The following MDN1 variants were observed in gnomAD, a reference collection of about 807,000 sequenced individuals.
MDN1 encodes midasin AAA ATPase 1, also known as midasin.
In MDN1, 266 loss-of-function variants were observed where a neutral mutation model predicts 669.2. The observed-to-expected ratio is 0.40, with a 90% CI of 0.36 to 0.44. The LOEUF (loss-of-function observed/expected upper bound fraction) is 0.44. Among genes scored for constraint, MDN1 ranks in the 20% least tolerant of loss-of-function variants. The pLI is 1.00. For missense variants in MDN1, 5,940 were observed against 6,754.0 expected, an observed-to-expected ratio of 0.88 and a Z score of 4.22; for synonymous variants, 2,385 against 2,457.1, an observed-to-expected ratio of 0.97 and a Z score of 0.87.
intron 37 of MDN1, among the ~76,000 whole-genome samples, chr6:89,726,618 A>C (rs1206649393): frequency 1.3e-5 from 2 of 152,192 alleles, no homozygotes; most frequent in Non-Finnish European, 2.9e-5. Flanking sequence ...CAAAGTCAGG[A>C]TATAAAGTGA....
chr6:89,677,102 C>CT (rs759761793), intron 76 of MDN1, among the ~76,000 whole-genome samples: 24 of 144,028 alleles, frequency 1.7e-4, no homozygotes, highest in South Asian at 4.6e-4. Flanking sequence ...TGTTTTTTTT[C>CT]TTTTTTTTTG....
In MDN1 at chr6:89,662,177, T is replaced by G; in HGVS notation, c.14475A>C (p.Lys4825Asn). The G allele has an allele frequency of 6.2e-7, 1 of 1,614,106 alleles. No individual in the cohort carries two copies. Among genetic ancestry groups the G allele is most frequent in the Non-Finnish European group, 8.5e-7 (1 of 1,180,018 alleles). The change falls in exon 87 of 102, where the codon AAA (lysine) becomes AAC (asparagine). Residue 4825 changes from lysine to asparagine, a missense_variant. Physicochemically the swap from Lys to Asn is moderately conservative, Grantham distance 94. Around this residue, in one of 5 missense-constraint regions of MDN1, gnomAD observed 2,280 missense variants for 2,576.3 expected, o/e 0.88. Coordinates refer to ENST00000369393, the MANE Select transcript of MDN1 (RefSeq NM_014611.3). ...TTTCTTCCTTCTTATCTTGCTGGCT[T>G]TTATCTTTGTTTGAATTGCCACTAT... is the stretch of plus-strand genomic sequence containing the variant. ...NLDSGNSNKD[K>N]SQQDKKEEKE...
At position 89,700,210 on chromosome 6, in the gene MDN1, T is replaced by C. The variant is rs1411041749; in HGVS notation, c.8723A>G (p.Asp2908Gly). Reference protein sequence around the residue: ...LSLGFLEKKHDEASSLSHPDL... With the variant: ...LSLGFLEKKHGEASSLSHPDL... ...TGGATGGGACAGGGAGGAAGCTTCA[T>C]CATGCTTTTTCTCCAGAAAACCAAG... The change falls in exon 57 of 102, where the codon GAT (aspartate) becomes GGT (glycine). Residue 2908 changes from aspartate to glycine, a missense_variant. By Grantham distance (94) the Asp-to-Gly change is moderately conservative. This residue lies in a region of MDN1 where 2,292 missense variants were observed against 2,638.3 expected (regional missense o/e 0.87). Coordinates refer to ENST00000369393, the MANE Select transcript of MDN1 (RefSeq NM_014611.3). The C allele has an allele frequency of 1.2e-6, 2 of 1,614,214 alleles. 1 individual carries two copies. The highest frequency in any genetic ancestry group is 2.2e-5 in the South Asian group (2 of 91,072).
intron 71 of MDN1, 121 bp from the exon 72 acceptor site, chr6:89,684,025 A>G: frequency 2.7e-6 from 2 of 732,066 alleles, no homozygotes; most frequent in South Asian, 1.7e-5. Flanking sequence ...ACTGTGTGTC[A>G]GTGAACAAGT....
chr6:89,661,314 G>A (rs1809745860), intron 88 of MDN1, 117 bp downstream of exon 88: 3 of 1,167,196 alleles, frequency 2.6e-6, no homozygotes, highest in Admixed American at 2.3e-5. Flanking sequence ...CTGGGATTGA[G>A]CCTACCAAAC....
In MDN1 at chr6:89,772,714, ACTT is replaced by A. The variant is rs769523743; in HGVS notation, c.1939_1941del (p.Lys647del). On this transcript the variant is annotated inframe_deletion, in exon 14 of 102. Coordinates refer to ENST00000369393, the MANE Select transcript of MDN1 (RefSeq NM_014611.3). ...GACGGCCGTGTAGCAGCGAAAGTGAACTTCTCCCTGGGAAGGAGAAAAAAAGAG... is the reference window on the plus strand; with the variant it reads ...GACGGCCGTGTAGCAGCGAAAGTGAACTCCCTGGGAAGGAGAAAAAAAGAG... 11 of 1,613,414 alleles carry A rather than the reference ACTT, an allele frequency of 6.8e-6. No homozygotes were observed. The highest frequency in any genetic ancestry group is 8.5e-6 in the Non-Finnish European group (10 of 1,179,770).
At chr6:89,651,754 A>G (rs573157802) in intron 95 of MDN1, among the ~76,000 whole-genome samples, 1 of 152,266 alleles carries the variant, frequency 6.6e-6, no homozygotes, top group Non-Finnish European at 1.5e-5. Context: ...GACAATAGAT[A>G]TAAAAGTGAA....
chr6:89,688,559 A>C lies in MDN1; in HGVS notation c.11259+14T>G, dbSNP rs1487070011. 6.2e-7 allele frequency: 1 copy of C among 1,609,256 alleles called. No individual in the cohort carries two copies. Among genetic ancestry groups the C allele is most frequent in the Non-Finnish European group, 8.5e-7 (1 of 1,176,956 alleles). On this transcript the variant is annotated intron_variant, in intron 66 of 101. Transcript: ENST00000369393. ...TCAGTACTGTGAGCACTCCTTCCTC[A>C]ACAGCTGCCCTACCTGTTCAAGCGC...
At chr6:89,789,094 A>T (rs572296373) in intron 7 of MDN1, among the ~76,000 whole-genome samples, 3 of 151,890 alleles carry the variant, frequency 2.0e-5, no homozygotes, top group Admixed American at 6.6e-5. Context: ...ACTGCACTCC[A>T]GCCGGGTCAA....
In MDN1 at chr6:89,654,325, C is replaced by A; in HGVS notation, c.15500G>T (p.Ser5167Ile). 4 of 1,614,122 alleles carry A rather than the reference C, an allele frequency of 2.5e-6. No individual in the cohort carries two copies. The highest frequency in any genetic ancestry group is 1.1e-5 in the South Asian group (1 of 91,070). The change falls in exon 93 of 102, where the codon AGC becomes ATC. Residue 5167 changes from serine (S) to isoleucine (I), a missense_variant. Transcript: ENST00000369393. ...TTTTGCAGACTGTTGCTGTTCTTTG[C>A]TGGCCACATCTGTCAACAAAGCACG... Reference protein sequence around the residue: ...AYDAQTYDVASKEQQQSAKDS... With the variant: ...AYDAQTYDVAIKEQQQSAKDS...
chr6:89,665,125 A>G (rs574755770), intron 84 of MDN1, among the ~76,000 whole-genome samples: 1 of 152,082 alleles, frequency 6.6e-6, no homozygotes, highest in South Asian at 2.1e-4. Context: ...ACCTCCTGGG[A>G]TCAAGCAATC....
chr6:89,765,822 TAAG>T (rs576022735), intron 15 of MDN1, among the ~76,000 whole-genome samples: 8 of 152,218 alleles, frequency 5.3e-5, no homozygotes, highest in Non-Finnish European at 7.3e-5. Context: ...CACATGGTTT[TAAG>T]AAGACCAGCT....
intron 66 of MDN1, 27 bp from the exon 67 acceptor site, chr6:89,688,200 C>T: frequency 6.3e-7 from 1 of 1,587,288 alleles, no homozygotes; most frequent in Non-Finnish European, 8.7e-7. Context: ...TTGGGTATCT[C>T]AGTAGGAATA....
rs373882628 is a variant in MDN1, at chr6:89,677,598, C to T, written c.12511G>A (p.Val4171Ile). ...GAATCAGCCTCCTGAGTGCTGCTGA[C>T]GATGGACAATGCGCTCTGGAGATCT... ...PLDLQSALSI[V>I]SSTQEADSRL... The change falls in exon 76 of 102, where the codon GTC (valine) becomes ATC (isoleucine). Residue 4171 changes from valine to isoleucine, a missense_variant. Coordinates refer to ENST00000369393, the MANE Select transcript of MDN1 (RefSeq NM_014611.3). 1.3e-5 allele frequency: 21 copies of T among 1,614,004 alleles called. No individual in the cohort carries two copies. The highest frequency in any genetic ancestry group is 6.7e-5 in the East Asian group (3 of 44,898).
rs951906677 is a variant in MDN1, at chr6:89,643,847, A to G, written c.*158T>C. On this transcript the variant is annotated 3_prime_UTR_variant, in exon 102 of 102. Transcript: ENST00000369393. Reference sequence around the variant, plus strand: ...GGTATAAAAACCTCAGCCCAGGCAAAGCCGGGAGCCAGAGAGCATTCTGTA... The same window carrying G: ...GGTATAAAAACCTCAGCCCAGGCAAGGCCGGGAGCCAGAGAGCATTCTGTA... 3 of 628,604 alleles carry G rather than the reference A, an allele frequency of 4.8e-6. No individual in the cohort carries two copies. The African/African-American group carries it at 5.6e-5, about 12-fold the overall frequency. The allele number at this position is 628,604 out of a possible 1,614,324, so 38.9% of individuals were successfully genotyped here. A position where few individuals can be genotyped will look rare whatever the true frequency, so the allele number is the denominator to read the frequency against.
rs375886151 is a variant in MDN1 at position 89,685,973 on chromosome 6, T to C, written c.11573A>G (p.Asp3858Gly). 4.2e-5 allele frequency: 68 copies of C among 1,608,124 alleles called. No individual in the cohort carries two copies. The highest frequency in any genetic ancestry group is 5.4e-5 in the Non-Finnish European group (64 of 1,178,534). The change falls in exon 70 of 102, where the codon GAT (aspartate) becomes GGT (glycine). Residue 3858 changes from aspartate (D) to glycine (G), a missense_variant and splice_region_variant. Asp to Gly is a moderately conservative substitution (Grantham distance 94). This residue lies in a region of MDN1 where 2,280 missense variants were observed against 2,576.3 expected (regional missense o/e 0.88). Coordinates refer to ENST00000369393, the MANE Select transcript of MDN1 (RefSeq NM_014611.3). ...CAACATCAAGGTCATCTGTTTGTCA[T>C]CTTTAAAAATTCAAAGAGAAAAATA... ...HMQEQTEEQEDDKQMTLMLLV... is the reference protein window; with the variant it reads ...HMQEQTEEQEGDKQMTLMLLV...
chr6:89,816,355 G>A (rs1003755369), intron 1 of MDN1, among the ~76,000 whole-genome samples: 9 of 151,960 alleles, frequency 5.9e-5, no homozygotes, highest in African/African-American at 1.2e-4. Flanking sequence ...AGTTGAGATC[G>A]CGCCGCTGCA....
At chr6:89,788,118 T>A (rs1314127638) in intron 7 of MDN1, among the ~76,000 whole-genome samples, 161 bp from the exon 8 acceptor site, 1 of 152,166 alleles carries the variant, frequency 6.6e-6, no homozygotes, top group Non-Finnish European at 1.5e-5. Context: ...AACGTCTGAA[T>A]CACCTACACT....
chr6:89,711,194 C>A (rs573224123), intron 49 of MDN1, among the ~76,000 whole-genome samples: 1 of 152,238 alleles, frequency 6.6e-6, no homozygotes, highest in Admixed American at 6.5e-5. Context: ...ATGTTCTGTA[C>A]TTTACAATTC....
Sources: allele counts gnomAD v4.1 joint callset (sites outside exome capture counted in the v4.1 genomes callset), GRCh38; gene constraint gnomAD v4.1.1; regional missense constraint gnomAD v4.1.1; transcripts MANE v1.5; gene names NCBI Gene and HGNC (gene_info 2026-07-23, HGNC 2026-07-21).